Variants in RUNX1 observed in about 807,000 individuals in gnomAD.
RUNX1 encodes RUNX family transcription factor 1.
RUNX1 carries 19 observed loss-of-function variants against 42.8 expected under a neutral mutation model. The ratio of observed to expected loss-of-function variants is 0.44; its 90% CI spans 0.31 to 0.65. The LOEUF (loss-of-function observed/expected upper bound fraction) is 0.65, where lower values mean the gene tolerates loss of function less well. Among genes scored for constraint, RUNX1 ranks in the 30% least tolerant of loss-of-function variants. RUNX1 has a pLI of 0.07. For missense variants in RUNX1, 528 were observed against 672.0 expected (o/e 0.79, Z 2.37); for synonymous variants, 271 against 289.4 (o/e 0.94, Z 0.64).
At chr21:34,815,634 A>G (rs1346863292) in intron 7 of RUNX1, among the ~76,000 whole-genome samples, 1 of 152,192 alleles carries the variant, frequency 6.6e-6, no homozygotes, top group Non-Finnish European at 1.5e-5. Flanking sequence ...GAGGCCACAC[A>G]GGGGCACATC....
rs2056422126 is a variant in RUNX1, at chr21:34,790,626, C to G, written c.*1509G>C. 4.3e-6 allele frequency: 1 copy of G among 233,140 alleles called. No individual in the cohort carries two copies. The highest frequency in any genetic ancestry group is 8.5e-6 in the Non-Finnish European group (1 of 118,058). The allele number at this position is 233,140 out of a possible 1,614,324, so 14.4% of individuals were successfully genotyped here. On this transcript the variant is annotated 3_prime_UTR_variant, in exon 9 of 9. Coordinates refer to ENST00000675419, the MANE Select transcript of RUNX1 (RefSeq NM_001754.5). Reference sequence around the variant, plus strand: ...TCACACTGGTGCACAGGTAAAAGCCCATATACCCCATAGGGTAGGGTCTCA... The same window carrying G: ...TCACACTGGTGCACAGGTAAAAGCCGATATACCCCATAGGGTAGGGTCTCA...
intron 2 of RUNX1, among the ~76,000 whole-genome samples, chr21:35,035,018 G>A (rs1004643421): frequency 9.2e-5 from 14 of 152,172 alleles, no homozygotes; most frequent in African/African-American, 1.9e-4. Flanking sequence ...TAGTGACCAC[G>A]CGCACTCACT....
chr21:34,975,326 T>C (rs569713552), intron 2 of RUNX1, among the ~76,000 whole-genome samples: 22 of 152,364 alleles, frequency 1.4e-4, no homozygotes, highest in African/African-American at 5.3e-4. Flanking sequence ...TCTCTACGTA[T>C]AGATCTGTAT....
At position 34,930,212 on chromosome 21, in the gene RUNX1, T is replaced by TA. The variant is rs1486905427; in HGVS notation, c.59-37250dup. Among the ~76,000 whole-genome samples, 9 of 141,422 alleles carry TA rather than the reference T, an allele frequency of 6.4e-5. 1 individual carries two copies. Among genetic ancestry groups the TA allele is most frequent in the East Asian group, 5.9e-4 (3 of 5,118 alleles). The allele number at this position is 141,422 out of a possible 152,430, so 92.8% of individuals were successfully genotyped here. A position where few individuals can be genotyped will look rare whatever the true frequency, so the allele number is the denominator to read the frequency against. ...TACATATATATTATATATACATATA[T>TA]ACATGTATATATATTATATATACAT... is the stretch of plus-strand genomic sequence containing the variant. On this transcript the variant is annotated intron_variant, in intron 2 of 8. Coordinates refer to ENST00000675419, the MANE Select transcript of RUNX1 (RefSeq NM_001754.5).
intron 2 of RUNX1, among the ~76,000 whole-genome samples, chr21:34,953,393 C>A (rs543872421): frequency 2.0e-5 from 3 of 152,268 alleles, no homozygotes; most frequent in Non-Finnish European, 4.4e-5. Flanking sequence ...ATGCAACCCC[C>A]AGGGAAGCTT....
At chr21:34,993,548 CACACACACAGGCACAG>C (rs1329311084) in intron 2 of RUNX1, among the ~76,000 whole-genome samples, 19 of 150,140 alleles carry the variant, frequency 1.3e-4, no homozygotes, top group African/African-American at 3.4e-4. Context: ...CACACACAGA[CACACACACAGGCACAG>C]ACACACACAG....
chr21:34,792,196 T>C lies in RUNX1; in HGVS notation c.1382A>G (p.Asn461Ser). Residue 461 changes from asparagine to serine, a missense_variant, in exon 9 of 9, where the codon AAC (asparagine) becomes AGC (serine). By Grantham distance (46) the Asn-to-Ser change is conservative. This residue lies in a region of RUNX1 where 331 missense variants were observed against 382.5 expected (regional missense o/e 0.87). Coordinates refer to ENST00000675419, the MANE Select transcript of RUNX1 (RefSeq NM_001754.5). This position sits in a 1 kb window ranked among gnomAD's most constrained non-coding sequence, Gnocchi z 6.9. ...GGAGGGCGCCATGTTGGTGGGGGAGTTGCTGTGGCTGCCCTCGGCCTCCAC... is the reference window on the plus strand; with the variant it reads ...GGAGGGCGCCATGTTGGTGGGGGAGCTGCTGTGGCTGCCCTCGGCCTCCAC... ...DVVEAEGSHSNSPTNMAPSAR... is the reference protein window; with the variant it reads ...DVVEAEGSHSSSPTNMAPSAR... The C allele has an allele frequency of 3.9e-6, 6 of 1,535,976 alleles. No individual in the cohort carries two copies. The highest frequency in any genetic ancestry group is 5.2e-6 in the Non-Finnish European group (6 of 1,148,036).
intron 2 of RUNX1, among the ~76,000 whole-genome samples, chr21:34,924,084 T>TG (rs376894774): frequency 9.6e-4 from 55 of 57,504 alleles, no homozygotes; most frequent in African/African-American, 1.7e-3. Flanking sequence ...ACTCACTCAG[T>TG]GACCCACCCC....
chr21:34,831,995 T>C (rs2057069834), intron 7 of RUNX1, among the ~76,000 whole-genome samples: 1 of 152,228 alleles, frequency 6.6e-6, no homozygotes, highest in South Asian at 2.1e-4. Context: ...ATTTTACAAG[T>C]GAAGTACTGA....
intron 4 of RUNX1, among the ~76,000 whole-genome samples, chr21:34,883,166 A>G (rs895000376): frequency 1.3e-5 from 2 of 152,240 alleles, no homozygotes; most frequent in Admixed American, 6.5e-5. Context: ...GAATAAAATT[A>G]TCATGGAGGC....
chr21:34,847,505 A>G (rs2057334488), intron 6 of RUNX1, among the ~76,000 whole-genome samples: 1 of 152,068 alleles, frequency 6.6e-6, no homozygotes, highest in South Asian at 2.1e-4. Flanking sequence ...TTAATTATCT[A>G]ATTATATTTA....
At chr21:34,811,195 A>G (rs2056753477) in intron 7 of RUNX1, among the ~76,000 whole-genome samples, 1 of 152,202 alleles carries the variant, frequency 6.6e-6, no homozygotes, top group Non-Finnish European at 1.5e-5. Flanking sequence ...CTTCCATTCC[A>G]TGCTCCCAAT....
chr21:34,877,756 A>G (rs2057835144), intron 5 of RUNX1, among the ~76,000 whole-genome samples: 1 of 152,198 alleles, frequency 6.6e-6, no homozygotes, highest in African/African-American at 2.4e-5. Context: ...GTTTTGTAGA[A>G]CAGAGAAAAA....
chr21:34,887,380 G>C (rs1312806837), intron 3 of RUNX1: 10 of 1,414,030 alleles, frequency 7.1e-6, no homozygotes, highest in Non-Finnish European at 9.2e-6. Context: ...GCATTAAAAA[G>C]TGGAGACTAT....
chr21:34,844,104 C>T lies in RUNX1; in HGVS notation c.614-9503G>A, dbSNP rs137898790. On this transcript the variant is annotated intron_variant, in intron 6 of 8. Transcript: ENST00000675419. ...AAGGAAACCCCCAGTTACAGCGTAACTGAAAAGTAACCAGAGAGTGGTAAC... is the reference window on the plus strand; with the variant it reads ...AAGGAAACCCCCAGTTACAGCGTAATTGAAAAGTAACCAGAGAGTGGTAAC... Among the ~76,000 whole-genome samples the T allele has an allele frequency of 2.7e-3, 408 of 152,306 alleles. 5 individuals carry two copies. Among genetic ancestry groups the T allele is most frequent in the African/African-American group, 9.0e-3 (376 of 41,562 alleles).
At chr21:35,023,085 G>A (rs1601683744) in intron 2 of RUNX1, among the ~76,000 whole-genome samples, 1 of 151,902 alleles carries the variant, frequency 6.6e-6, no homozygotes, top group South Asian at 2.1e-4. Flanking sequence ...TAGGACTACA[G>A]GTGTATGCCA....
chr21:34,814,436 G>A (rs544544685), intron 7 of RUNX1, among the ~76,000 whole-genome samples: 5 of 152,302 alleles, frequency 3.3e-5, no homozygotes, highest in Non-Finnish European at 5.9e-5. Flanking sequence ...CAACTGCAGC[G>A]TGCTGATTTT....
chr21:34,899,943 G>C (rs1569094360), intron 2 of RUNX1, among the ~76,000 whole-genome samples: 2 of 152,168 alleles, frequency 1.3e-5, no homozygotes, highest in African/African-American at 2.4e-5. Context: ...ACAGGAGTTT[G>C]AGACCAGCCT....
At chr21:34,881,434 C>T (rs1041804058) in intron 4 of RUNX1, among the ~76,000 whole-genome samples, 1 of 152,014 alleles carries the variant, frequency 6.6e-6, no homozygotes, top group African/African-American at 2.4e-5. Flanking sequence ...AATTCTAGCA[C>T]ACAAGAAAAA....
Sources: gnomAD v4.1 joint callset for allele counts (sites outside exome capture counted in the v4.1 genomes callset) on GRCh38, gnomAD v4.1.1 for gene constraint, gnomAD v4.1.1 regional missense constraint, Gnocchi (gnomAD v3.1) non-coding constraint, MANE v1.5 for transcripts, NCBI Gene and HGNC (gene_info 2026-07-23, HGNC 2026-07-21) for gene names.